The following ZNF585A variants were observed in gnomAD, a reference collection of about 807,000 sequenced individuals.
ZNF585A encodes zinc finger protein 585A.
A neutral mutation model predicts 14.9 loss-of-function variants in ZNF585A; 9 were observed. The observed-to-expected ratio is 0.60, with a 90% CI of 0.36 to 1.05. ZNF585A has a LOEUF of 1.05. ZNF585A is among the 50% of genes least tolerant of loss of function. The pLI is 0.01. For synonymous variants in ZNF585A, 276 were observed against 319.9 expected (o/e 0.86, Z 1.46); for missense variants, 726 against 926.4 (o/e 0.78, Z 2.81).
intron 2 of ZNF585A, among the ~76,000 whole-genome samples, chr19:37,158,124 G>A (rs112463648): frequency 2.6e-5 from 4 of 152,086 alleles, no homozygotes; most frequent in Admixed American, 2.0e-4. Flanking sequence ...CTGACCTCAC[G>A]ATCTACCTGC....
chr19:37,153,715 T>C, intron 4 of ZNF585A, 109 bp from the exon 5 acceptor site: 1 of 1,025,020 alleles, frequency 9.8e-7, no homozygotes, highest in Middle Eastern at 2.2e-4. Flanking sequence ...ATCTAAATTA[T>C]GCTTTAAACC....
chr19:37,146,822 TA>T lies in ZNF585A; in HGVS notation c.*4766del, dbSNP rs1327571984. On this transcript the variant is annotated 3_prime_UTR_variant, in exon 5 of 5. Coordinates refer to ENST00000292841, the MANE Select transcript of ZNF585A (RefSeq NM_001288800.2). ...TCTTGTAAACAGTGTGGAATGTATGTAGGTAGGATACTCAGTTTGGTACTGC... is the reference window on the plus strand; with the variant it reads ...TCTTGTAAACAGTGTGGAATGTATGTGGTAGGATACTCAGTTTGGTACTGC... 6.6e-6 allele frequency: 1 copy of T among 152,114 alleles called. No homozygotes were observed. The highest frequency in any genetic ancestry group is 2.4e-5 in the African/African-American group (1 of 41,314). 9.4% of individuals were successfully genotyped at this position (152,114 alleles called of 1,614,324 possible). A position where few individuals can be genotyped will look rare whatever the true frequency, so the allele number is the denominator to read the frequency against.
chr19:37,155,995 A>T, intron 3 of ZNF585A, 38 bp from the exon 4 acceptor site: 1 of 1,612,916 alleles, frequency 6.2e-7, no homozygotes, highest in Non-Finnish European at 8.5e-7. Context: ...GGTCCAGCTA[A>T]TTGTGTTTCA....
intron 1 of ZNF585A, among the ~76,000 whole-genome samples, chr19:37,171,309 A>G (rs951175521): frequency 6.6e-6 from 1 of 152,374 alleles, no homozygotes; most frequent in Middle Eastern, 3.4e-3. Flanking sequence ...ACTTTTGATT[A>G]GATGATATTT....
chr19:37,163,860 C>T (rs1017828596), intron 2 of ZNF585A, among the ~76,000 whole-genome samples: 2 of 151,754 alleles, frequency 1.3e-5, no homozygotes, highest in African/African-American at 2.4e-5. Flanking sequence ...AAAATAGCCA[C>T]ATCAGAAGCA....
rs1020794355 is a variant in ZNF585A, at chr19:37,151,090, T to G, written c.*499A>C. ...TGAATGAGGGTTGGATATGACCAAC[T>G]GTGGTAGATTCGAATGAGAAAGAAA... On this transcript the variant is annotated 3_prime_UTR_variant, in exon 5 of 5. Transcript: ENST00000292841. 1 of 343,570 alleles carries G rather than the reference T, an allele frequency of 2.9e-6. No individual in the cohort carries two copies. Among genetic ancestry groups the G allele is most frequent in the African/African-American group, 2.1e-5 (1 of 47,558 alleles). 21.3% of individuals were successfully genotyped at this position (343,570 alleles called of 1,614,324 possible).
chr19:37,152,517 G>A lies in ZNF585A; in HGVS notation c.1382C>T (p.Thr461Ile). ...SQLHVHKRIH[T>I]GEKPYMCNKC... is the part of the protein sequence containing the mutation. ...ATTGCACATATAGGGCTTTTCTCCT[G>A]TGTGAATTCGTTTATGAACATGGAG... The change falls in exon 5 of 5, where the codon ACA becomes ATA. Residue 461 changes from threonine (T) to isoleucine (I), a missense_variant. Physicochemically the swap from Thr to Ile is moderately conservative, Grantham distance 89. Around this residue, in one of 2 missense-constraint regions of ZNF585A, gnomAD observed 243 missense variants for 383.6 expected, o/e 0.63. Coordinates refer to ENST00000292841, the MANE Select transcript of ZNF585A (RefSeq NM_001288800.2). The A allele has an allele frequency of 6.2e-7, 1 of 1,614,160 alleles. No individual in the cohort carries two copies. The highest frequency in any genetic ancestry group is 8.5e-7 in the Non-Finnish European group (1 of 1,180,028).
rs1169632392 is a variant in ZNF585A, at chr19:37,150,750, A to C, written c.*839T>G. The C allele has an allele frequency of 6.6e-6, 1 of 151,806 alleles. No individual in the cohort carries two copies. The highest frequency in any genetic ancestry group is 1.5e-5 in the Non-Finnish European group (1 of 67,104). The allele number at this position is 151,806 out of a possible 1,614,324, so 9.4% of individuals were successfully genotyped here. On this transcript the variant is annotated 3_prime_UTR_variant, in exon 5 of 5. Transcript: ENST00000292841. Reference sequence around the variant, plus strand: ...AGCTTCAAGTCAGTGATGAGTACGAAAAAAAAAAAAAGGCAACTGAGTTGG... The same window carrying C: ...AGCTTCAAGTCAGTGATGAGTACGACAAAAAAAAAAAGGCAACTGAGTTGG...
intron 2 of ZNF585A, among the ~76,000 whole-genome samples, chr19:37,167,795 TGTCTTCAGTATGA>T (rs1972120682): frequency 6.6e-6 from 1 of 151,822 alleles, no homozygotes; most frequent in Non-Finnish European, 1.5e-5. Context: ...TTATTTTTTG[TGTCTTCAGTATGA>T]GTCTTCAGTA....
intron 2 of ZNF585A, among the ~76,000 whole-genome samples, chr19:37,161,514 T>G (rs1275603812): frequency 6.6e-6 from 1 of 152,202 alleles, no homozygotes; most frequent in Non-Finnish European, 1.5e-5. Context: ...AACACAGGTT[T>G]GAACTACGCA....
chr19:37,170,039 AG>A lies in ZNF585A; in HGVS notation c.-130del. On this transcript the variant is annotated 5_prime_UTR_variant, in exon 2 of 5. Coordinates refer to ENST00000292841, the MANE Select transcript of ZNF585A (RefSeq NM_001288800.2). ...GGAAAATCTGGCCCAGGGGCTCCCCAGAGACACCCAGAAACCTGGAAAGACA... is the reference window on the plus strand; with the variant it reads ...GGAAAATCTGGCCCAGGGGCTCCCCAAGACACCCAGAAACCTGGAAAGACA... 3.0e-6 allele frequency: 3 copies of A among 996,342 alleles called. No homozygotes were observed. Among genetic ancestry groups the A allele is most frequent in the Non-Finnish European group, 4.4e-6 (3 of 684,468 alleles). 61.7% of individuals were successfully genotyped at this position (996,342 alleles called of 1,614,324 possible). A position where few individuals can be genotyped will look rare whatever the true frequency, so the allele number is the denominator to read the frequency against.
At position 37,149,096 on chromosome 19, in the gene ZNF585A, A is replaced by G. The variant is rs1971782815; in HGVS notation, c.*2493T>C. 6.6e-6 allele frequency: 1 copy of G among 152,170 alleles called. No homozygotes were observed. The highest frequency in any genetic ancestry group is 2.4e-5 in the African/African-American group (1 of 41,448). The allele number at this position is 152,170 out of a possible 1,614,324, so 9.4% of individuals were successfully genotyped here. On this transcript the variant is annotated 3_prime_UTR_variant, in exon 5 of 5. Transcript: ENST00000292841. ...ATGATCCACTTGCTCCAACAAGCAGAAAGTACAAGACACATTCTATGGTGT... is the reference window on the plus strand; with the variant it reads ...ATGATCCACTTGCTCCAACAAGCAGGAAGTACAAGACACATTCTATGGTGT...
chr19:37,169,784 A>C, intron 2 of ZNF585A, 55 bp downstream of exon 2: 99 of 1,584,084 alleles, frequency 6.2e-5, no homozygotes, highest in Non-Finnish European at 7.8e-5. Context: ...GTGACAGACC[A>C]GAGATACCTA....
chr19:37,169,804 T>C (rs776798781), intron 2 of ZNF585A, 35 bp downstream of exon 2: 19 of 1,606,312 alleles, frequency 1.2e-5, no homozygotes, highest in Admixed American at 8.3e-5. Context: ...AGTCCTGGAT[T>C]GAATTCCCAC....
At chr19:37,163,609 C>A (rs796615507) in intron 2 of ZNF585A, among the ~76,000 whole-genome samples, 4 of 151,854 alleles carry the variant, frequency 2.6e-5, no homozygotes, top group Non-Finnish European at 1.5e-5. Context: ...ATAAAAACAT[C>A]CAATGAACAA....
In ZNF585A at chr19:37,151,634, G is replaced by A. The variant is rs545506220; in HGVS notation, c.2265C>T (p.Phe755=). 24 of 1,613,980 alleles carry A rather than the reference G, an allele frequency of 1.5e-5. No homozygotes were observed. In the Admixed American group the frequency reaches 2.8e-4, roughly 19 times the overall value. Residue 755 remains phenylalanine (F), a synonymous_variant, in exon 5 of 5, where the codon TTC becomes TTT. Coordinates refer to ENST00000292841, the MANE Select transcript of ZNF585A (RefSeq NM_001288800.2). The stretch of plus-strand genomic sequence containing the variant: ...GGACGCTGAACACTGATTTCTGAAC[G>A]AAGCCTTTCCCACAGATGCCACACT... ...PYKCGICGKG[F]VQKSVFSVHQ...
Position 37,147,185 on chromosome 19 carries a change from T to C in ZNF585A, c.*4404A>G, listed in dbSNP as rs186810750. The C allele has an allele frequency of 2.0e-5, 3 of 152,304 alleles. No homozygotes were observed. Among genetic ancestry groups the C allele is most frequent in the East Asian group, 1.9e-4 (1 of 5,172 alleles). 9.4% of individuals were successfully genotyped at this position (152,304 alleles called of 1,614,324 possible). On this transcript the variant is annotated 3_prime_UTR_variant, in exon 5 of 5. Transcript: ENST00000292841. Reference sequence around the variant, plus strand: ...TGAATCAGGTCAGATAGTAATAGTATTTGCAATGCAAATATCATACAAAAT... The same window carrying C: ...TGAATCAGGTCAGATAGTAATAGTACTTGCAATGCAAATATCATACAAAAT...
At chr19:37,163,335 C>A (rs1972038938) in intron 2 of ZNF585A, among the ~76,000 whole-genome samples, 1 of 151,158 alleles carries the variant, frequency 6.6e-6, no homozygotes, top group Non-Finnish European at 1.5e-5. Context: ...ATCATAACCT[C>A]CATGAATTCA....
At chr19:37,156,101 A>G (rs1231780261) in intron 3 of ZNF585A, 128 bp downstream of exon 3, 1 of 1,552,500 alleles carries the variant, frequency 6.4e-7, no homozygotes, top group Non-Finnish European at 8.7e-7. Flanking sequence ...GCCCTAAACA[A>G]ATAAAGAATC....
Sources: gnomAD v4.1 joint callset for allele counts (sites outside exome capture counted in the v4.1 genomes callset) on GRCh38, gnomAD v4.1.1 for gene constraint, gnomAD v4.1.1 regional missense constraint, MANE v1.5 for transcripts, NCBI Gene and HGNC (gene_info 2026-07-23, HGNC 2026-07-21) for gene names.